Variants in TRIP4 observed in about 807,000 individuals in gnomAD.
TRIP4 encodes thyroid hormone receptor interactor 4, also known as activating signal cointegrator 1.
A neutral mutation model predicts 81.8 loss-of-function variants in TRIP4; 54 were observed. The observed-to-expected ratio is 0.66, with a 90% CI of 0.53 to 0.83. TRIP4 has a LOEUF of 0.83. Among genes scored for constraint, TRIP4 ranks in the 40% least tolerant of loss-of-function variants. TRIP4 has a pLI of 0.00. For missense variants in TRIP4, 662 were observed against 683.6 expected (o/e 0.97, Z 0.35); for synonymous variants, 270 against 242.8 (o/e 1.11, Z -1.04).
At chr15:64,419,609 C>T (rs1366754458) in intron 9 of TRIP4, among the ~76,000 whole-genome samples, 5 of 151,970 alleles carry the variant, frequency 3.3e-5, no homozygotes, top group African/African-American at 7.2e-5. Flanking sequence ...CCGCCCGCCT[C>T]GGCCTCCCAA....
At chr15:64,427,559 A>G (rs1892175604) in intron 11 of TRIP4, among the ~76,000 whole-genome samples, 1 of 152,092 alleles carries the variant, frequency 6.6e-6, no homozygotes, top group African/African-American at 2.4e-5. Context: ...TATTTTTAGT[A>G]GAGACAAGAT....
chr15:64,428,960 A>G (rs1892209820), intron 11 of TRIP4, among the ~76,000 whole-genome samples: 1 of 152,010 alleles, frequency 6.6e-6, no homozygotes, highest in Non-Finnish European at 1.5e-5. Flanking sequence ...ATTTATTTAG[A>G]ATTGATGTTA....
At chr15:64,417,597 ACT>A (rs1891915561) in intron 8 of TRIP4, among the ~76,000 whole-genome samples, 1 of 151,980 alleles carries the variant, frequency 6.6e-6, no homozygotes, top group South Asian at 2.1e-4. Flanking sequence ...TGTTGCCAAG[ACT>A]CTTCACTCTC....
chr15:64,398,939 C>CTTT, intron 4 of TRIP4, among the ~76,000 whole-genome samples: 1 of 79,230 alleles, frequency 1.3e-5, no homozygotes, highest in African/African-American at 5.2e-5. Flanking sequence ...TTCTTTTTTC[C>CTTT]TTTTTTTTTT....
chr15:64,398,101 C>T (rs1327027459), intron 4 of TRIP4, among the ~76,000 whole-genome samples: 2 of 152,060 alleles, frequency 1.3e-5, no homozygotes, highest in African/African-American at 4.8e-5. Flanking sequence ...CGGGATTTTA[C>T]AGTGTTAGCC....
At chr15:64,454,187 A>C (rs1482745274) in intron 12 of TRIP4, among the ~76,000 whole-genome samples, 5 of 149,786 alleles carry the variant, frequency 3.3e-5, no homozygotes, top group African/African-American at 4.9e-5. Context: ...TTTTCAGCAT[A>C]AGCATCACTA....
At chr15:64,426,528 C>T (rs529418599) in intron 11 of TRIP4, among the ~76,000 whole-genome samples, 69 of 152,002 alleles carry the variant, frequency 4.5e-4, no homozygotes, top group Non-Finnish European at 7.7e-4. Flanking sequence ...GGTGAAACCC[C>T]GCTTCTACTA....
intron 11 of TRIP4, among the ~76,000 whole-genome samples, chr15:64,431,831 T>TTATA (rs1223726422): frequency 3.8e-4 from 16 of 42,434 alleles, no homozygotes; most frequent in African/African-American, 7.2e-4. Context: ...ACCATTTATA[T>TTATA]TATATATATA....
intron 7 of TRIP4, among the ~76,000 whole-genome samples, chr15:64,413,469 T>A (rs766634072): frequency 4.6e-5 from 7 of 152,172 alleles, no homozygotes; most frequent in African/African-American, 1.2e-4. Flanking sequence ...GAGCCACCAC[T>A]CCTGGCCTCT....
At chr15:64,452,320 T>C (rs1892788609) in intron 12 of TRIP4, among the ~76,000 whole-genome samples, 1 of 152,244 alleles carries the variant, frequency 6.6e-6, no homozygotes, top group Admixed American at 6.5e-5. Context: ...CTAAACCTTT[T>C]TGAGCTTCAA....
intron 7 of TRIP4, among the ~76,000 whole-genome samples, chr15:64,410,716 G>T (rs900214266): frequency 2.6e-5 from 4 of 152,020 alleles, no homozygotes; most frequent in African/African-American, 9.7e-5. Flanking sequence ...AAATCCTGAA[G>T]TCATGAAGAT....
In TRIP4 at chr15:64,424,007, C is replaced by G. The variant is rs199719915; in HGVS notation, c.1359-24C>G. ...CAGGAAACTAGAATTTATATCCTTC[C>G]CACTAAATTTCTATTTGTTTAAGGG... On this transcript the variant is annotated intron_variant, in intron 9 of 12. Coordinates refer to ENST00000261884, the MANE Select transcript of TRIP4 (RefSeq NM_016213.5). The G allele has an allele frequency of 1.7e-3, 2,735 of 1,612,212 alleles. 7 individuals are homozygous for G. The highest frequency in any genetic ancestry group is 2.0e-3 in the Non-Finnish European group (2,385 of 1,179,316).
At chr15:64,417,906 A>G (rs1327117766) in intron 8 of TRIP4, among the ~76,000 whole-genome samples, 1 of 152,240 alleles carries the variant, frequency 6.6e-6, no homozygotes. Context: ...AGTATGGATC[A>G]TTAAGTATAA....
intron 1 of TRIP4, among the ~76,000 whole-genome samples, chr15:64,389,895 T>A (rs1278656245): frequency 6.6e-6 from 1 of 150,384 alleles, no homozygotes; most frequent in Non-Finnish European, 1.5e-5. Flanking sequence ...AGAGATGGGG[T>A]TTCACCATGT....
At chr15:64,403,725 T>C (rs902718178) in intron 5 of TRIP4, among the ~76,000 whole-genome samples, 3 of 152,234 alleles carry the variant, frequency 2.0e-5, no homozygotes, top group Non-Finnish European at 4.4e-5. Flanking sequence ...TATGATTATT[T>C]CCTAATTACT....
At position 64,408,408 on chromosome 15, in the gene TRIP4, G is replaced by A. The variant is rs996521975; in HGVS notation, c.828-1205G>A. On this transcript the variant is annotated intron_variant, in intron 6 of 12. Coordinates refer to ENST00000261884, the MANE Select transcript of TRIP4 (RefSeq NM_016213.5). ...TGAGTAGCTGGGACTACAGGCGCCC[G>A]CCACTACGCCCAGCTAATTTTTTTG... Among the ~76,000 whole-genome samples the A allele has an allele frequency of 4.0e-5, 6 of 151,458 alleles. 1 individual carries two copies. In the South Asian group the frequency reaches 6.3e-4, roughly 16 times the overall value.
intron 1 of TRIP4, among the ~76,000 whole-genome samples, chr15:64,391,270 C>T (rs1900121833): frequency 6.6e-6 from 1 of 151,944 alleles, no homozygotes; most frequent in Non-Finnish European, 1.5e-5. Context: ...AATTCTCCTG[C>T]CTCAGCCTCC....
chr15:64,444,933 G>T, intron 11 of TRIP4, 73 bp from the exon 12 acceptor site: 5 of 766,342 alleles, frequency 6.5e-6, no homozygotes, highest in East Asian at 2.5e-5. Flanking sequence ...GTGAAATCTG[G>T]GACATCTTCT....
intron 7 of TRIP4, among the ~76,000 whole-genome samples, chr15:64,412,927 C>T (rs559067881): frequency 6.6e-6 from 1 of 152,264 alleles, no homozygotes; most frequent in South Asian, 2.1e-4. Flanking sequence ...CCAATGCCAA[C>T]ATCATAGGCA....
Sources: gnomAD v4.1 joint callset for allele counts (sites outside exome capture counted in the v4.1 genomes callset) on GRCh38, gnomAD v4.1.1 for gene constraint, MANE v1.5 for transcripts, NCBI Gene and HGNC (gene_info 2026-07-23, HGNC 2026-07-21) for gene names.